RHOJ: variants seen among roughly 807,000 people sequenced by gnomAD.
The protein encoded by RHOJ is ras homolog family member J.
In RHOJ, 11 loss-of-function variants were observed where a neutral mutation model predicts 23.4. That is an observed-to-expected ratio of 0.47 (90% CI 0.30 to 0.78). RHOJ has a LOEUF of 0.78. Ranked by LOEUF, RHOJ falls within the 30% of genes least tolerant of loss-of-function variation. The pLI, the probability that RHOJ is intolerant of heterozygous loss-of-function variation, is 0.08. For synonymous variants in RHOJ, 102 were observed against 102.7 expected (o/e 0.99, Z 0.04); for missense variants, 254 against 273.4 (o/e 0.93, Z 0.50).
intron 1 of RHOJ, among the ~76,000 whole-genome samples, chr14:63,247,779 T>A (rs1030728968): frequency 6.6e-6 from 1 of 152,188 alleles, no homozygotes; most frequent in Non-Finnish European, 1.5e-5. Flanking sequence ...TCTGTTTTCA[T>A]GCTGCTAATA....
chr14:63,267,367 G>A (rs1895387393), intron 1 of RHOJ, among the ~76,000 whole-genome samples: 1 of 152,220 alleles, frequency 6.6e-6, no homozygotes, highest in Admixed American at 6.5e-5. Flanking sequence ...AATATTTGCA[G>A]TGCCCAGTGG....
At chr14:63,284,970 G>A (rs891296538) in intron 4 of RHOJ, among the ~76,000 whole-genome samples, 4 of 152,106 alleles carry the variant, frequency 2.6e-5, no homozygotes, top group East Asian at 3.9e-4. Flanking sequence ...AGATACAGAC[G>A]GAATCATGTT....
At position 63,268,871 on chromosome 14, in the gene RHOJ, A is replaced by G. The variant is rs537107615; in HGVS notation, c.179-239A>G. Among the ~76,000 whole-genome samples, 104 of 152,340 alleles carry G rather than the reference A, an allele frequency of 6.8e-4. 1 individual carries two copies. Among genetic ancestry groups the G allele is most frequent in the African/African-American group, 2.4e-3 (99 of 41,580 alleles). On this transcript the variant is annotated intron_variant, in intron 1 of 4. Coordinates refer to ENST00000316754, the MANE Select transcript of RHOJ (RefSeq NM_020663.5). Reference sequence around the variant, plus strand: ...CCCACAGAGTGTCCTGGTGGCACCAATAATATCCATCTCTTTTGAGAAATT... The same window carrying G: ...CCCACAGAGTGTCCTGGTGGCACCAGTAATATCCATCTCTTTTGAGAAATT...
At chr14:63,232,935 A>T (rs1288699146) in intron 1 of RHOJ, among the ~76,000 whole-genome samples, 3 of 151,944 alleles carry the variant, frequency 2.0e-5, no homozygotes, top group African/African-American at 7.2e-5. Flanking sequence ...GACTCAAGCA[A>T]TCCACCTGTC....
At chr14:63,276,788 C>T (rs1360275293) in intron 2 of RHOJ, among the ~76,000 whole-genome samples, 1 of 152,184 alleles carries the variant, frequency 6.6e-6, no homozygotes, top group Non-Finnish European at 1.5e-5. Flanking sequence ...AATAGAAATC[C>T]TTTGATAGCC....
chr14:63,219,765 A>C lies in RHOJ; in HGVS notation c.178+14718A>C, dbSNP rs142079612. On this transcript the variant is annotated intron_variant, in intron 1 of 4. Coordinates refer to ENST00000316754, the MANE Select transcript of RHOJ (RefSeq NM_020663.5). ...CAGGAGGCGGAGGTTGCAGTGAGCC[A>C]AGATCGCACCACTGCACTCCAGCCT... Among the ~76,000 whole-genome samples, 402 of 151,546 alleles carry C rather than the reference A, an allele frequency of 2.7e-3. 1 individual carries two copies. The highest frequency in any genetic ancestry group is 9.4e-3 in the African/African-American group (386 of 41,260).
chr14:63,205,103 C>A lies in RHOJ; in HGVS notation c.178+56C>A. On this transcript the variant is annotated intron_variant, in intron 1 of 4. Coordinates refer to ENST00000316754, the MANE Select transcript of RHOJ (RefSeq NM_020663.5). ...AGACAAACGATGCAGGGGGCGAGAC[C>A]CTAAGTTCAGAGGGGCCTGGCTCAT... 2 of 1,560,458 alleles carry A rather than the reference C, an allele frequency of 1.3e-6. 1 individual carries two copies. The highest frequency in any genetic ancestry group is 2.4e-5 in the South Asian group (2 of 82,312).
intron 2 of RHOJ, among the ~76,000 whole-genome samples, chr14:63,269,521 CAT>C (rs1491119721): frequency 6.6e-6 from 1 of 152,106 alleles, no homozygotes; most frequent in Non-Finnish European, 1.5e-5. Flanking sequence ...TAGTTCCACA[CAT>C]GTTTTTTCAG....
At chr14:63,251,013 CA>C (rs1165224641) in intron 1 of RHOJ, among the ~76,000 whole-genome samples, 1 of 152,014 alleles carries the variant, frequency 6.6e-6, no homozygotes, top group African/African-American at 2.4e-5. Flanking sequence ...CCAGCCTGGG[CA>C]ACAAGTGAAA....
chr14:63,211,809 G>T (rs974311495), intron 1 of RHOJ, among the ~76,000 whole-genome samples: 1 of 152,164 alleles, frequency 6.6e-6, no homozygotes, highest in African/African-American at 2.4e-5. Context: ...ACAATTCCCG[G>T]CACAAAGATA....
chr14:63,253,925 TTC>T (rs1895116951), intron 1 of RHOJ, among the ~76,000 whole-genome samples: 1 of 152,226 alleles, frequency 6.6e-6, no homozygotes, highest in Non-Finnish European at 1.5e-5. Flanking sequence ...TTCTGTTTTT[TTC>T]TCTGTCTCTT....
chr14:63,217,898 T>A (rs925644498), intron 1 of RHOJ, among the ~76,000 whole-genome samples: 2 of 152,224 alleles, frequency 1.3e-5, no homozygotes, highest in Non-Finnish European at 2.9e-5. Flanking sequence ...AATAGATATC[T>A]TGTCGACACG....
intron 1 of RHOJ, among the ~76,000 whole-genome samples, chr14:63,246,497 G>GA (rs1178174587): frequency 6.6e-6 from 1 of 152,112 alleles, no homozygotes; most frequent in East Asian, 1.9e-4. Context: ...TGTGTTCTTG[G>GA]AAAAATTACA....
chr14:63,207,916 TAC>T (rs759286911), intron 1 of RHOJ, among the ~76,000 whole-genome samples: 34 of 152,144 alleles, frequency 2.2e-4, no homozygotes, highest in Non-Finnish European at 3.5e-4. Flanking sequence ...CTATTAAGAA[TAC>T]AGTCTCGATA....
intron 1 of RHOJ, among the ~76,000 whole-genome samples, chr14:63,208,165 G>A (rs562785757): frequency 4.6e-5 from 7 of 152,226 alleles, no homozygotes; most frequent in East Asian, 1.9e-4. Flanking sequence ...TAAAAACTAC[G>A]CAAAATTATT....
intron 1 of RHOJ, among the ~76,000 whole-genome samples, chr14:63,254,404 T>C (rs1190754555): frequency 6.6e-6 from 1 of 152,084 alleles, no homozygotes; most frequent in Non-Finnish European, 1.5e-5. Flanking sequence ...CTTTATCCGT[T>C]TGATGTGATC....
At chr14:63,284,489 G>A (rs1882017320) in intron 4 of RHOJ, 1 of 358,854 alleles carries the variant, frequency 2.8e-6, no homozygotes, top group Non-Finnish European at 3.9e-6. Flanking sequence ...TAGAAGACAA[G>A]CACATAGCTA....
chr14:63,269,268 A>C, intron 2 of RHOJ, 100 bp downstream of exon 2: 1 of 773,168 alleles, frequency 1.3e-6, no homozygotes, highest in Non-Finnish European at 2.2e-6. Context: ...GATATTACCC[A>C]TTCTGATCAT....
chr14:63,242,715 G>A (rs368391693), intron 1 of RHOJ, among the ~76,000 whole-genome samples: 31 of 152,246 alleles, frequency 2.0e-4, no homozygotes, highest in East Asian at 5.8e-4. Context: ...TTTCTTTGCC[G>A]TGATTCTCTT....
Sources: allele counts gnomAD v4.1 joint callset (sites outside exome capture counted in the v4.1 genomes callset), GRCh38; gene constraint gnomAD v4.1.1; transcripts MANE v1.5; gene names NCBI Gene and HGNC (gene_info 2026-07-23, HGNC 2026-07-21).